Variants in NPAS2 observed in about 807,000 individuals in gnomAD.
NPAS2 encodes the protein neuronal PAS domain protein 2, also known as neuronal PAS domain-containing protein 2.
In NPAS2, 23 loss-of-function variants were observed where a neutral mutation model predicts 107.5. The ratio of observed to expected loss-of-function variants is 0.21; its 90% CI spans 0.15 to 0.30. The LOEUF is 0.30. NPAS2 is among the 10% of genes least tolerant of loss of function. NPAS2 has a pLI of 1.00. For missense variants in NPAS2, 756 were observed against 1,043.3 expected, an observed-to-expected ratio of 0.72 and a Z score of 3.79; for synonymous variants, 403 against 417.5, an observed-to-expected ratio of 0.97 and a Z score of 0.42.
At chr2:100,954,746 TCTCCAA>T (rs200779834) in intron 7 of NPAS2, among the ~76,000 whole-genome samples, 9,231 of 151,458 alleles carry the variant, frequency 0.061, 329 homozygotes, top group South Asian at 0.12. Flanking sequence ...CCATACAACT[TCTCCAA>T]CTCCAAGTTC....
chr2:100,894,299 C>G (rs761551729), intron 1 of NPAS2, among the ~76,000 whole-genome samples: 1 of 152,220 alleles, frequency 6.6e-6, no homozygotes, highest in Non-Finnish European at 1.5e-5. Flanking sequence ...GTCATTTCAC[C>G]TGATAGTCAT....
upstream of NPAS2, among the ~76,000 whole-genome samples, chr2:100,818,724 C>T (rs1488416268): frequency 1.3e-5 from 2 of 152,262 alleles, no homozygotes; most frequent in Non-Finnish European, 2.9e-5. Flanking sequence ...TCCAGGGCCA[C>T]TTGCCGGAAT....
chr2:100,932,910 A>G lies in NPAS2; in HGVS notation c.182A>G (p.Glu61Gly). 8.1e-6 allele frequency: 13 copies of G among 1,611,930 alleles called. No homozygotes were observed. Among genetic ancestry groups the G allele is most frequent in the Non-Finnish European group, 1.1e-5 (13 of 1,177,984 alleles). Residue 61 changes from glutamate (E) to glycine (G), a missense_variant and splice_region_variant, in exon 4 of 21, where the codon GAA (glutamate) becomes GGA (glycine). Transcript: ENST00000335681. ...KVIGFLQKHN[E>G]VSAQTEICDI... ...AGGCTTATTTGTGTCTCTTTTCTAGAAGTCTCAGCGCAAACGGAAATCTGT... is the reference window on the plus strand; with the variant it reads ...AGGCTTATTTGTGTCTCTTTTCTAGGAGTCTCAGCGCAAACGGAAATCTGT...
intron 16 of NPAS2, chr2:100,985,779 CTA>C (rs1677743951): frequency 6.6e-6 from 1 of 151,876 alleles, no homozygotes; most frequent in African/African-American, 2.4e-5. Context: ...TTTAATGTCA[CTA>C]TTTTTTACTA....
intron 5 of NPAS2, among the ~76,000 whole-genome samples, chr2:100,940,854 G>A (rs1234214934): frequency 1.3e-5 from 2 of 152,220 alleles, no homozygotes; most frequent in African/African-American, 4.8e-5. Flanking sequence ...CAGAAAGGGA[G>A]AATGAGGAGC....
chr2:100,877,408 T>A (rs1291474417), intron 1 of NPAS2, among the ~76,000 whole-genome samples: 1 of 125,692 alleles, frequency 8.0e-6, no homozygotes, highest in African/African-American at 3.1e-5. Flanking sequence ...GAGCTTGCAG[T>A]GAGCCGAGAT....
chr2:100,845,398 G>C (rs1677713276), intron 1 of NPAS2, among the ~76,000 whole-genome samples: 1 of 152,186 alleles, frequency 6.6e-6, no homozygotes, highest in Non-Finnish European at 1.5e-5. Flanking sequence ...ATCAGGTTCT[G>C]TTTTTACATG....
intron 1 of NPAS2, among the ~76,000 whole-genome samples, chr2:100,860,997 T>G (rs1678906834): frequency 6.6e-6 from 1 of 151,968 alleles, no homozygotes. Context: ...TCCTCTCACC[T>G]CAGATTCCCT....
In NPAS2 at chr2:100,995,458, A is replaced by C; in HGVS notation, c.2351A>C (p.Tyr784Ser). Reference sequence around the variant, plus strand: ...CAGGACTCGCTACTTCTCTCCACCTACTCACAACAGCCAGGGACCCTGGGC... The same window carrying C: ...CAGGACTCGCTACTTCTCTCCACCTCCTCACAACAGCCAGGGACCCTGGGC... Reference protein sequence around the residue: ...EQQDSLLLSTYSQQPGTLGYP... With the variant: ...EQQDSLLLSTSSQQPGTLGYP... Residue 784 changes from tyrosine to serine, a missense_variant, in exon 21 of 21, where the codon TAC (tyrosine) becomes TCC (serine). Transcript: ENST00000335681. 2 of 1,613,798 alleles carry C rather than the reference A, an allele frequency of 1.2e-6. No homozygotes were observed. Among genetic ancestry groups the C allele is most frequent in the South Asian group, 2.2e-5 (2 of 91,076 alleles).
intron 2 of NPAS2, among the ~76,000 whole-genome samples, chr2:100,907,516 A>ACACACACACACC: frequency 6.6e-6 from 1 of 151,528 alleles, no homozygotes; most frequent in African/African-American, 2.4e-5. Flanking sequence ...ACACACACAC[A>ACACACACACACC]CACACACCCC....
intron 4 of NPAS2, among the ~76,000 whole-genome samples, chr2:100,933,340 G>C (rs568830475): frequency 2.0e-5 from 3 of 152,326 alleles, no homozygotes; most frequent in East Asian, 3.9e-4. Context: ...GAATCAGCTT[G>C]CACTGTCATT....
chr2:100,912,255 T>A (rs377415417), intron 2 of NPAS2, among the ~76,000 whole-genome samples: 11 of 76,552 alleles, frequency 1.4e-4, no homozygotes, highest in African/African-American at 4.7e-4. Context: ...TTTATTTATT[T>A]ATTATTATTA....
chr2:100,862,094 G>T (rs1678977958), intron 1 of NPAS2, among the ~76,000 whole-genome samples: 1 of 152,148 alleles, frequency 6.6e-6, no homozygotes, highest in Non-Finnish European at 1.5e-5. Flanking sequence ...TGTGGATAAA[G>T]AATTTATGAT....
chr2:100,915,177 C>A (rs1682799453), intron 2 of NPAS2, among the ~76,000 whole-genome samples: 1 of 148,400 alleles, frequency 6.7e-6, no homozygotes, highest in African/African-American at 2.5e-5. Context: ...CCACATGAAA[C>A]CTTTTATGCA....
intron 1 of NPAS2, among the ~76,000 whole-genome samples, chr2:100,892,889 T>C (rs1270483464): frequency 6.6e-6 from 1 of 152,038 alleles, no homozygotes; most frequent in Non-Finnish European, 1.5e-5. Context: ...GGCTAATTTT[T>C]TGTATTTTCA....
intron 11 of NPAS2, 103 bp from the exon 12 acceptor site, chr2:100,970,887 G>T (rs374788407): frequency 2.1e-6 from 2 of 931,768 alleles, no homozygotes; most frequent in East Asian, 2.5e-5. Context: ...TGGGGGGCAG[G>T]GGTTACGTAG....
At chr2:100,836,992 G>A (rs1437991306) in intron 1 of NPAS2, among the ~76,000 whole-genome samples, 1 of 152,192 alleles carries the variant, frequency 6.6e-6, no homozygotes, top group Non-Finnish European at 1.5e-5. Flanking sequence ...ACACTTTAGT[G>A]TGGCTCATCT....
chr2:100,869,508 A>C (rs1009770201), intron 1 of NPAS2, among the ~76,000 whole-genome samples: 1 of 152,202 alleles, frequency 6.6e-6, no homozygotes, highest in African/African-American at 2.4e-5. Flanking sequence ...ATGATCTCTT[A>C]AGGATTTTCA....
chr2:100,844,961 C>G (rs1448217640), intron 1 of NPAS2, among the ~76,000 whole-genome samples: 1 of 152,208 alleles, frequency 6.6e-6, no homozygotes, highest in Non-Finnish European at 1.5e-5. Context: ...AGAGCTTGCA[C>G]TAGTGAGGGT....
Sources: allele counts gnomAD v4.1 joint callset (sites outside exome capture counted in the v4.1 genomes callset), GRCh38; gene constraint gnomAD v4.1.1; transcripts MANE v1.5; gene names NCBI Gene and HGNC (gene_info 2026-07-23, HGNC 2026-07-21).